Variants in SFXN4 observed in about 807,000 individuals in gnomAD.
SFXN4 encodes sideroflexin 4.
In SFXN4, 48 loss-of-function variants were observed where a neutral mutation model predicts 54.6. That is an observed-to-expected ratio of 0.88 (90% CI 0.70 to 1.12). SFXN4 has a LOEUF of 1.12. Ranked by LOEUF, SFXN4 falls within the 50% of genes most tolerant of loss-of-function variation. The probability of loss-of-function intolerance (pLI) is 0.00; values close to 1 mark genes in which losing one functional copy is unlikely to be tolerated. For missense variants in SFXN4, 383 were observed against 409.2 expected (o/e 0.94, Z 0.55); for synonymous variants, 130 against 145.5 (o/e 0.89, Z 0.77).
In SFXN4 at chr10:119,143,151, A is replaced by G. The variant is rs76837629; in HGVS notation, c.937-1832T>C. Reference sequence around the variant, plus strand: ...GGAGTTCTGCCCCTTCCAACCTTGCATGACTTACCTGCTGCCCTGCTCCTT... The same window carrying G: ...GGAGTTCTGCCCCTTCCAACCTTGCGTGACTTACCTGCTGCCCTGCTCCTT... On this transcript the variant is annotated intron_variant, in intron 13 of 13. Transcript: ENST00000355697. Among the ~76,000 whole-genome samples, 26 of 152,098 alleles carry G rather than the reference A, an allele frequency of 1.7e-4. No homozygotes were observed. In the East Asian group the frequency reaches 4.6e-3, roughly 27 times the overall value.
chr10:119,147,775 C>T lies in SFXN4; in HGVS notation c.818G>A (p.Arg273Lys). 1 of 1,613,378 alleles carries T rather than the reference C, an allele frequency of 6.2e-7. No individual in the cohort carries two copies. The highest frequency in any genetic ancestry group is 2.2e-5 in the East Asian group (1 of 44,874). The change falls in exon 12 of 14, where the codon AGG becomes AAG. Residue 273 changes from arginine (R) to lysine (K), a missense_variant and splice_region_variant. Physicochemically the swap from Arg to Lys is conservative, Grantham distance 26. Transcript: ENST00000355697. Reference protein sequence around the residue: ...IPEVFTYFFKRTQYFRKNPGS... With the variant: ...IPEVFTYFFKKTQYFRKNPGS... ...CTGGGGATATGACCGTGTCTCTTACCTTTTAAAAAAGTAGGTGAAGACTTC... is the reference window on the plus strand; with the variant it reads ...CTGGGGATATGACCGTGTCTCTTACTTTTTAAAAAAGTAGGTGAAGACTTC...
At chr10:119,144,452 G>T (rs111638303) in intron 13 of SFXN4, among the ~76,000 whole-genome samples, 1 of 150,644 alleles carries the variant, frequency 6.6e-6, no homozygotes. Context: ...ACGAGACTCC[G>T]TCTCAAAAAA....
In SFXN4 at chr10:119,147,910, C is replaced by A. The variant is rs140263330; in HGVS notation, c.733-50G>T. ...CTTAGGTTGGGCACGGTGGCTCACG[C>A]CTGTAATCCCTGCACTTTGGGAGGC... On this transcript the variant is annotated intron_variant, in intron 11 of 13. Transcript: ENST00000355697. The A allele has an allele frequency of 7.1e-4, 1,035 of 1,463,388 alleles. 7 individuals carry two copies. In the African/African-American group the frequency reaches 0.013, roughly 18 times the overall value. The allele number at this position is 1,463,388 out of a possible 1,614,324, so 90.7% of individuals were successfully genotyped here. A position where few individuals can be genotyped will look rare whatever the true frequency, so the allele number is the denominator to read the frequency against.
At chr10:119,158,607 C>CCCTAT in intron 6 of SFXN4, among the ~76,000 whole-genome samples, 2 of 120,018 alleles carry the variant, frequency 1.7e-5, no homozygotes, top group African/African-American at 3.2e-5. Flanking sequence ...CAGAGCAAGA[C>CCCTAT]TCCGTCTCAA....
At chr10:119,146,411 G>A in intron 12 of SFXN4, 58 bp from the exon 13 acceptor site, 1 of 1,042,428 alleles carries the variant, frequency 9.6e-7, no homozygotes, top group Non-Finnish European at 1.5e-6. Context: ...CTTATTTTCT[G>A]AACAGCTGAA....
At chr10:119,144,680 G>A (rs1005106465) in intron 13 of SFXN4, among the ~76,000 whole-genome samples, 2 of 152,150 alleles carry the variant, frequency 1.3e-5, no homozygotes, top group African/African-American at 4.8e-5. Context: ...TCATGGAGAA[G>A]CTGGAATCTG....
At chr10:119,144,126 G>A (rs1226185632) in intron 13 of SFXN4, among the ~76,000 whole-genome samples, 2 of 152,162 alleles carry the variant, frequency 1.3e-5, no homozygotes, top group Non-Finnish European at 2.9e-5. Flanking sequence ...TATATTTATA[G>A]TGACAGAAAT....
At chr10:119,160,584 T>TAAGTGTTAGAAACTACA (rs1847484697) in intron 5 of SFXN4, among the ~76,000 whole-genome samples, 1 of 120,896 alleles carries the variant, frequency 8.3e-6, no homozygotes, top group African/African-American at 2.9e-5. Flanking sequence ...CAGAGTTTTC[T>TAAGTGTTAGAAACTACA]TTTCTTTTTT....
intron 5 of SFXN4, 66 bp downstream of exon 5, chr10:119,160,849 C>T (rs1847498846): frequency 6.6e-7 from 1 of 1,526,348 alleles, no homozygotes; most frequent in Non-Finnish European, 9.1e-7. Context: ...ATCCGGCAGG[C>T]AGAGTTTTCT....
chr10:119,150,623 C>T (rs956464266), intron 11 of SFXN4, among the ~76,000 whole-genome samples: 21 of 151,956 alleles, frequency 1.4e-4, no homozygotes, highest in African/African-American at 4.3e-4. Context: ...GAGCCATGTT[C>T]GTACCATTGC....
intron 2 of SFXN4, 67 bp downstream of exon 2, chr10:119,164,064 A>AAAAT: frequency 1.4e-6 from 1 of 721,798 alleles, no homozygotes; most frequent in Non-Finnish European, 2.3e-6. Context: ...AAAAAAAAAA[A>AAAAT]GGGACACACA....
intron 5 of SFXN4, 142 bp from the exon 6 acceptor site, chr10:119,159,895 G>C (rs1847447240): frequency 1.2e-6 from 1 of 858,954 alleles, no homozygotes; most frequent in Non-Finnish European, 1.9e-6. Context: ...CTCATTCTTT[G>C]TTTTTCTAAT....
chr10:119,159,489 G>A (rs1346020774), intron 6 of SFXN4, among the ~76,000 whole-genome samples: 1 of 152,100 alleles, frequency 6.6e-6, no homozygotes, highest in African/African-American at 2.4e-5. Context: ...GGATGACCTT[G>A]CCAAGCTGTG....
At chr10:119,162,499 C>G in intron 2 of SFXN4, 85 bp from the exon 3 acceptor site, 1 of 1,112,812 alleles carries the variant, frequency 9.0e-7, no homozygotes. Context: ...AGCTCACTCA[C>G]CAGCATGCAC....
At chr10:119,148,285 G>A (rs1250690049) in intron 11 of SFXN4, among the ~76,000 whole-genome samples, 1 of 152,128 alleles carries the variant, frequency 6.6e-6, no homozygotes, top group Non-Finnish European at 1.5e-5. Context: ...CCCGTGGAGA[G>A]AGGCGGAGGG....
At chr10:119,158,154 G>A (rs1365687099) in intron 6 of SFXN4, 92 bp from the exon 7 acceptor site, 2 of 1,213,366 alleles carry the variant, frequency 1.6e-6, no homozygotes, top group Non-Finnish European at 2.4e-6. Context: ...AGGGAGAATT[G>A]AGCCCCCAAG....
At chr10:119,157,123 A>C (rs1451974497) in intron 9 of SFXN4, among the ~76,000 whole-genome samples, 3 of 152,124 alleles carry the variant, frequency 2.0e-5, no homozygotes, top group Non-Finnish European at 4.4e-5. Flanking sequence ...TTCATATAAC[A>C]ATTTTTAAAA....
At position 119,164,268 on chromosome 10, in the gene SFXN4, C is replaced by CTTT. The variant is rs35023478; in HGVS notation, c.112-75_112-73dup. 0.049 allele frequency: 24,590 copies of CTTT among 499,502 alleles called. 234 individuals are homozygous for CTTT. The highest frequency in any genetic ancestry group is 0.086 in the African/African-American group (3,770 of 43,634). The allele number at this position is 499,502 out of a possible 1,614,324, so 30.9% of individuals were successfully genotyped here. A position where few individuals can be genotyped will look rare whatever the true frequency, so the allele number is the denominator to read the frequency against. On this transcript the variant is annotated intron_variant, in intron 1 of 13. Transcript: ENST00000355697. ...TAAAGATATAAATACTAACAGTTGGCTTTTTTTTTTTTTTTCTGAGAACCT... is the reference window on the plus strand; with the variant it reads ...TAAAGATATAAATACTAACAGTTGGCTTTTTTTTTTTTTTTTTTCTGAGAACCT...
chr10:119,148,044 C>T (rs1846895500), intron 11 of SFXN4, among the ~76,000 whole-genome samples, 184 bp from the exon 12 acceptor site: 1 of 152,072 alleles, frequency 6.6e-6, no homozygotes, highest in South Asian at 2.1e-4. Flanking sequence ...TGGTGTTATG[C>T]ACCTGTAGTA....
Sources: allele counts gnomAD v4.1 joint callset (sites outside exome capture counted in the v4.1 genomes callset), GRCh38; gene constraint gnomAD v4.1.1; transcripts MANE v1.5; gene names NCBI Gene and HGNC (gene_info 2026-07-23, HGNC 2026-07-21).